Variants in ASXL3 observed in about 807,000 individuals in gnomAD.
ASXL3 encodes ASXL transcriptional regulator 3.
A neutral mutation model predicts 170.6 loss-of-function variants in ASXL3; 34 were observed. The ratio of observed to expected loss-of-function variants is 0.20; its 90% confidence interval spans 0.15 to 0.27. The LOEUF (loss-of-function observed/expected upper bound fraction) is 0.27, where lower values mean the gene tolerates loss of function less well. Ranked by LOEUF, ASXL3 falls within the 10% of genes least tolerant of loss-of-function variation. The pLI, the probability that ASXL3 is intolerant of heterozygous loss-of-function variation, is 1.00. For missense variants in ASXL3, 2,592 were observed against 2,695.3 expected (o/e 0.96, Z 0.85); for synonymous variants, 1,002 against 989.1 (o/e 1.01, Z -0.24).
rs1374228892 is a variant in ASXL3, at chr18:33,739,002, T to C, written c.1598T>C (p.Val533Ala). Residue 533 changes from valine to alanine, a missense_variant, in exon 11 of 12, where the codon GTT (valine) becomes GCT (alanine). Around this residue, in one of 4 missense-constraint regions of ASXL3, gnomAD observed 2,246 missense variants for 2,219.6 expected, o/e 1.01. Transcript: ENST00000269197. ...TCACCCCAGGAAGAAATGACAGTTG[T>C]TATCGATCAGTTAGAAGTCTGTGAC... ...SESPQEEMTVVIDQLEVCDSL... is the reference protein window; with the variant it reads ...SESPQEEMTVAIDQLEVCDSL... 6.2e-7 allele frequency: 1 copy of C among 1,613,666 alleles called. No homozygotes were observed. Among genetic ancestry groups the C allele is most frequent in the Non-Finnish European group, 8.5e-7 (1 of 1,179,822 alleles).
chr18:33,607,813 A>G (rs1431303599), intron 2 of ASXL3, 137 bp downstream of exon 2: 1 of 706,248 alleles, frequency 1.4e-6, no homozygotes, highest in Non-Finnish European at 2.4e-6. Flanking sequence ...TCTAATTAAG[A>G]AATCGTTGGA....
chr18:33,648,965 G>A (rs2065956181), intron 4 of ASXL3, among the ~76,000 whole-genome samples: 1 of 152,040 alleles, frequency 6.6e-6, no homozygotes, highest in African/African-American at 2.4e-5. Flanking sequence ...TTGTGGAATG[G>A]TAAGACCATA....
At chr18:33,578,843 G>C (rs2064968997) in intron 1 of ASXL3, 158 bp downstream of exon 1, 1 of 371,114 alleles carries the variant, frequency 2.7e-6, no homozygotes, top group East Asian at 1.2e-4. Flanking sequence ...GGCTCGCCCG[G>C]GGGCCCCTGT....
At chr18:33,686,553 C>T (rs1402416980) in intron 8 of ASXL3, among the ~76,000 whole-genome samples, 1 of 151,960 alleles carries the variant, frequency 6.6e-6, no homozygotes. Context: ...TGAGTAGAGC[C>T]AAAGAAAAGT....
At chr18:33,675,601 A>G (rs867851640) in intron 7 of ASXL3, among the ~76,000 whole-genome samples, 1 of 152,178 alleles carries the variant, frequency 6.6e-6, no homozygotes, top group African/African-American at 2.4e-5. Flanking sequence ...TTTTCCTAAA[A>G]GGATAGAAAA....
chr18:33,693,792 G>A (rs2066727287), intron 8 of ASXL3, among the ~76,000 whole-genome samples: 1 of 152,154 alleles, frequency 6.6e-6, no homozygotes, highest in African/African-American at 2.4e-5. Context: ...AAAAGTCAGA[G>A]ATTTACAAAG....
At chr18:33,680,055 A>T (rs2066490864) in intron 7 of ASXL3, among the ~76,000 whole-genome samples, 2 of 151,594 alleles carry the variant, frequency 1.3e-5, no homozygotes, top group Non-Finnish European at 2.9e-5. Context: ...TAATTTCATT[A>T]TTTTTACACG....
intron 8 of ASXL3, among the ~76,000 whole-genome samples, chr18:33,697,578 A>G (rs1457405475): frequency 6.6e-6 from 1 of 152,110 alleles, no homozygotes. Flanking sequence ...ACTAAGGCGT[A>G]TGATTTTCCA....
chr18:33,656,494 A>T (rs1236057346), intron 4 of ASXL3, among the ~76,000 whole-genome samples: 1 of 152,116 alleles, frequency 6.6e-6, no homozygotes, highest in Non-Finnish European at 1.5e-5. Flanking sequence ...TGTTGCAGAG[A>T]CTATATAATG....
intron 8 of ASXL3, among the ~76,000 whole-genome samples, chr18:33,704,015 T>C (rs2145332463): frequency 6.6e-6 from 1 of 152,270 alleles, no homozygotes; most frequent in Admixed American, 6.5e-5. Flanking sequence ...AAATTTTGGT[T>C]TCAATTTGTT....
At chr18:33,601,718 A>G (rs2145113919) in intron 1 of ASXL3, among the ~76,000 whole-genome samples, 1 of 148,370 alleles carries the variant, frequency 6.7e-6, no homozygotes, top group African/African-American at 2.5e-5. Flanking sequence ...GACAATTTTG[A>G]CAGGTCCTAT....
intron 1 of ASXL3, among the ~76,000 whole-genome samples, chr18:33,584,408 C>A (rs886668479): frequency 1.3e-5 from 2 of 151,988 alleles, no homozygotes; most frequent in African/African-American, 4.8e-5. Context: ...AGACTCACCC[C>A]CTATTCTCCT....
chr18:33,687,544 A>G (rs2066615863), intron 8 of ASXL3, among the ~76,000 whole-genome samples: 1 of 152,178 alleles, frequency 6.6e-6, no homozygotes, highest in African/African-American at 2.4e-5. Flanking sequence ...AAGTAGTCCT[A>G]AAAGGGCCTC....
At chr18:33,728,472 A>G (rs1213684311) in intron 8 of ASXL3, among the ~76,000 whole-genome samples, 1 of 152,194 alleles carries the variant, frequency 6.6e-6, no homozygotes, top group African/African-American at 2.4e-5. Context: ...ACATATATTC[A>G]AAGTTAATAT....
chr18:33,707,929 A>G (rs2066989882), intron 8 of ASXL3, among the ~76,000 whole-genome samples: 1 of 152,130 alleles, frequency 6.6e-6, no homozygotes, highest in South Asian at 2.1e-4. Context: ...TTAATGTGAT[A>G]AATGACCAAT....
intron 8 of ASXL3, among the ~76,000 whole-genome samples, chr18:33,705,649 C>T (rs779928125): frequency 1.3e-5 from 2 of 151,818 alleles, no homozygotes; most frequent in Non-Finnish European, 2.9e-5. Context: ...TCCTCAACTA[C>T]TGTATTTATC....
intron 4 of ASXL3, among the ~76,000 whole-genome samples, chr18:33,648,347 C>T (rs1378167153): frequency 1.3e-5 from 2 of 152,040 alleles, no homozygotes; most frequent in Non-Finnish European, 2.9e-5. Context: ...GTAGATCCAG[C>T]AGAAGCTGCT....
intron 1 of ASXL3, among the ~76,000 whole-genome samples, chr18:33,598,960 G>T (rs567776438): frequency 2.0e-5 from 3 of 152,086 alleles, no homozygotes; most frequent in Admixed American, 2.0e-4. Flanking sequence ...GGGACAATAG[G>T]CCCTATGTGA....
At chr18:33,616,714 G>C (rs1456742950) in intron 2 of ASXL3, 2 of 152,168 alleles carry the variant, frequency 1.3e-5, no homozygotes, top group African/African-American at 4.8e-5. Context: ...AAGGTTGGCA[G>C]TGTCCGTTTC....
Sources: gnomAD v4.1 joint callset for allele counts (sites outside exome capture counted in the v4.1 genomes callset) on GRCh38, gnomAD v4.1.1 for gene constraint, gnomAD v4.1.1 regional missense constraint, MANE v1.5 for transcripts, NCBI Gene and HGNC (gene_info 2026-07-23, HGNC 2026-07-21) for gene names.